TALDO1: variants seen among roughly 807,000 people sequenced by gnomAD.
The protein encoded by TALDO1 is transaldolase 1, also known as transaldolase.
In TALDO1, 29 loss-of-function variants were observed where a neutral mutation model predicts 38.1. The ratio of observed to expected loss-of-function variants is 0.76; its 90% CI spans 0.57 to 1.04. TALDO1 has a LOEUF of 1.04. TALDO1 is among the 50% of genes least tolerant of loss of function. The pLI, the probability that TALDO1 is intolerant of heterozygous loss-of-function variation, is 0.00. For missense variants in TALDO1, 499 were observed against 438.1 expected (o/e 1.14, Z -1.24); for synonymous variants, 207 against 176.8 (o/e 1.17, Z -1.36).
chr11:762,443 G>T (rs1465624280), intron 4 of TALDO1, among the ~76,000 whole-genome samples: 1 of 152,144 alleles, frequency 6.6e-6, no homozygotes. Context: ...CTGCTGCTAT[G>T]AACACATCTG....
In TALDO1 at chr11:764,382, C is replaced by G. The variant is rs181385165; in HGVS notation, c.930C>G (p.Asp310Glu). ...AGATGGCTGTGGAGAAGCTCTCTGA[C>G]GGGATCCGCAAGTTTGCCGCTGATG... ...EDQMAVEKLS[D>E]GIRKFAADAV... Residue 310 changes from aspartate (D) to glutamate (E), a missense_variant, in exon 7 of 8, where the codon GAC (aspartate) becomes GAG (glutamate). Transcript: ENST00000319006. 2 of 1,614,246 alleles carry G rather than the reference C, an allele frequency of 1.2e-6. No individual in the cohort carries two copies. Among genetic ancestry groups the G allele is most frequent in the Non-Finnish European group, 1.7e-6 (2 of 1,180,038 alleles).
At position 747,555 on chromosome 11, in the gene TALDO1, T is replaced by A; in HGVS notation, c.74T>A (p.Val25Glu). The change falls in exon 1 of 8, where the codon GTG becomes GAG. Residue 25 changes from valine to glutamate, a missense_variant. Coordinates refer to ENST00000319006, the MANE Select transcript of TALDO1 (RefSeq NM_006755.2). ...LDQLKQFTTVVADTGDFHAID... is the reference protein window; with the variant it reads ...LDQLKQFTTVEADTGDFHAID... ...CAGCTCAAGCAGTTCACCACCGTGGTGGCCGACACGGGCGACTTCCACGGT... is the reference window on the plus strand; with the variant it reads ...CAGCTCAAGCAGTTCACCACCGTGGAGGCCGACACGGGCGACTTCCACGGT... 6.3e-7 allele frequency: 1 copy of A among 1,591,958 alleles called. No individual in the cohort carries two copies.
In TALDO1 at chr11:762,115, G is replaced by A. The variant is rs150805850; in HGVS notation, c.462-1229G>A. 1.6e-3 allele frequency among the ~76,000 whole-genome samples: 245 copies of A among 152,070 alleles called. 1 individual carries two copies. Among genetic ancestry groups the A allele is most frequent in the African/African-American group, 5.8e-3 (240 of 41,500 alleles). Reference sequence around the variant, plus strand: ...GGAGTAGCTGGGATTACAGGCAGGCGCCACCACTCCCGCCTAATTTTATAT... The same window carrying A: ...GGAGTAGCTGGGATTACAGGCAGGCACCACCACTCCCGCCTAATTTTATAT... On this transcript the variant is annotated intron_variant, in intron 4 of 7. Transcript: ENST00000319006.
In TALDO1 at chr11:756,177, G is replaced by T; in HGVS notation, c.221+175G>T. 3 of 901,286 alleles carry T rather than the reference G, an allele frequency of 3.3e-6. 1 individual carries two copies. The highest frequency in any genetic ancestry group is 3.5e-5 in the South Asian group (2 of 57,518). The allele number at this position is 901,286 out of a possible 1,614,324, so 55.8% of individuals were successfully genotyped here. On this transcript the variant is annotated intron_variant, in intron 2 of 7. Transcript: ENST00000319006. ...AAGTGTAATCTGCATGAAGTAACCTGCACCTGTGGTAAATGAGCAGTTCAG... is the reference window on the plus strand; with the variant it reads ...AAGTGTAATCTGCATGAAGTAACCTTCACCTGTGGTAAATGAGCAGTTCAG...
intron 1 of TALDO1, among the ~76,000 whole-genome samples, chr11:753,610 G>A (rs544510663): frequency 7.4e-4 from 112 of 151,956 alleles, no homozygotes; most frequent in African/African-American, 2.4e-3. Context: ...TGTAATCCCA[G>A]CTACTCATGG....
chr11:760,134 TAAAGA>T lies in TALDO1; in HGVS notation c.343_347del (p.Lys115CysfsTer79). On this transcript the variant is annotated frameshift_variant, in exon 4 of 8. Transcript: ENST00000319006. LOFTEE classifies it high-confidence loss of function. ...CTTGCTCCTACAGGCTCTCCTTTGA[TAAAGA>T]TGCGATGGTGGCCAGAGCCAGGCGG... The T allele has an allele frequency of 6.2e-7, 1 of 1,614,066 alleles. No homozygotes were observed. The highest frequency in any genetic ancestry group is 8.5e-7 in the Non-Finnish European group (1 of 1,179,978).
rs745426306 is a variant in TALDO1 at position 759,033 on chromosome 11, G to A, written c.305G>A (p.Arg102Gln). The A allele has an allele frequency of 1.7e-5, 28 of 1,612,626 alleles. No individual in the cohort carries two copies. Among genetic ancestry groups the A allele is most frequent in the African/African-American group, 2.7e-5 (2 of 74,892 alleles). The change falls in exon 3 of 8, where the codon CGA (arginine) becomes CAA (glutamine). Residue 102 changes from arginine to glutamine, a missense_variant. Coordinates refer to ENST00000319006, the MANE Select transcript of TALDO1 (RefSeq NM_006755.2). ...GAEILKKIPG[R>Q]VSTEVDARLS... The stretch of plus-strand genomic sequence containing the variant: ...GAAATACTAAAGAAGATTCCGGGCC[G>A]AGTATCCACAGAAGTAGACGCAAGG...
intron 2 of TALDO1, chr11:756,362 G>T: frequency 3.6e-6 from 1 of 274,852 alleles, no homozygotes; most frequent in Non-Finnish European, 7.2e-6. Flanking sequence ...TTTTCAGACG[G>T]AGTCTCGCTG....
At chr11:754,110 G>A (rs1437287381) in intron 1 of TALDO1, among the ~76,000 whole-genome samples, 2 of 151,846 alleles carry the variant, frequency 1.3e-5, no homozygotes, top group Non-Finnish European at 1.5e-5. Context: ...ACAGCCTCCC[G>A]AGTAGCTGGG....
rs1863002339 is a variant in TALDO1, at chr11:763,906, A to C, written c.797A>C (p.Asp266Ala). The C allele has an allele frequency of 6.2e-7, 1 of 1,612,416 alleles. No homozygotes were observed. Among genetic ancestry groups the C allele is most frequent in the Non-Finnish European group, 8.5e-7 (1 of 1,179,980 alleles). Reference protein sequence around the residue: ...SPKLLGELLQDNAKLVPVLSA... With the variant: ...SPKLLGELLQANAKLVPVLSA... Reference sequence around the variant, plus strand: ...AAGCTCCTGGGAGAGCTGCTGCAGGACAACGCCAAGCTGGTGCCTGTGCTC... The same window carrying C: ...AAGCTCCTGGGAGAGCTGCTGCAGGCCAACGCCAAGCTGGTGCCTGTGCTC... Residue 266 changes from aspartate to alanine, a missense_variant, in exon 6 of 8, where the codon GAC (aspartate) becomes GCC (alanine). Coordinates refer to ENST00000319006, the MANE Select transcript of TALDO1 (RefSeq NM_006755.2).
intron 2 of TALDO1, chr11:756,298 C>T: frequency 2.3e-6 from 1 of 432,828 alleles, no homozygotes; most frequent in Non-Finnish European, 4.3e-6. Context: ...CTCCTGTAGT[C>T]AGTCTCCCCA....
At chr11:763,060 T>TA (rs1384838597) in intron 4 of TALDO1, among the ~76,000 whole-genome samples, 1 of 152,164 alleles carries the variant, frequency 6.6e-6, no homozygotes, top group Non-Finnish European at 1.5e-5. Flanking sequence ...ACTATCCACT[T>TA]AGAGCCCTCG....
At chr11:748,904 G>A (rs768562322) in intron 1 of TALDO1, among the ~76,000 whole-genome samples, 1 of 152,180 alleles carries the variant, frequency 6.6e-6, no homozygotes, top group Non-Finnish European at 1.5e-5. Context: ...TCTTAGCACT[G>A]AGAATAATTT....
chr11:758,634 T>C (rs1437011199), intron 2 of TALDO1, among the ~76,000 whole-genome samples: 1 of 151,818 alleles, frequency 6.6e-6, no homozygotes, highest in Non-Finnish European at 1.5e-5. Context: ...AGATGGAGTC[T>C]CGCTCTGTCG....
chr11:754,306 G>C (rs1397297632), intron 1 of TALDO1, among the ~76,000 whole-genome samples: 4 of 152,012 alleles, frequency 2.6e-5, no homozygotes, highest in Admixed American at 6.6e-5. Flanking sequence ...TTTTATGACT[G>C]GGTTGATTAA....
intron 1 of TALDO1, among the ~76,000 whole-genome samples, chr11:751,041 T>G (rs1862741444): frequency 6.6e-6 from 1 of 152,086 alleles, no homozygotes; most frequent in African/African-American, 2.4e-5. Flanking sequence ...GAATAAAGAA[T>G]CCTTGGGTTT....
intron 1 of TALDO1, among the ~76,000 whole-genome samples, chr11:747,876 G>T (rs1352700932): frequency 1.3e-5 from 2 of 152,208 alleles, no homozygotes; most frequent in African/African-American, 4.8e-5. Flanking sequence ...GGTCAGCCGT[G>T]AGGGGCTCGG....
At chr11:760,340 T>G in intron 4 of TALDO1, 87 bp downstream of exon 4, 1 of 1,587,506 alleles carries the variant, frequency 6.3e-7, no homozygotes, top group South Asian at 1.1e-5. Context: ...AGTTTGACTC[T>G]CTCAGCCCTG....
At chr11:748,437 A>C (rs1192730835) in intron 1 of TALDO1, among the ~76,000 whole-genome samples, 1 of 152,180 alleles carries the variant, frequency 6.6e-6, no homozygotes, top group Non-Finnish European at 1.5e-5. Flanking sequence ...ATTTATTAAT[A>C]CTTAGCTCTT....
Sources: allele counts gnomAD v4.1 joint callset (sites outside exome capture counted in the v4.1 genomes callset), GRCh38; gene constraint gnomAD v4.1.1; transcripts MANE v1.5; gene names NCBI Gene and HGNC (gene_info 2026-07-23, HGNC 2026-07-21).